ABLIM2: variants seen among roughly 807,000 people sequenced by gnomAD.
The protein encoded by ABLIM2 is actin-binding LIM protein 2.
Under a neutral mutation model 97.7 loss-of-function variants are expected in ABLIM2, and 53 were observed. That is an observed-to-expected ratio of 0.54 (90% CI 0.44 to 0.68). The LOEUF is 0.68. Ranked by LOEUF, ABLIM2 falls within the 30% of genes least tolerant of loss-of-function variation. The pLI, the probability that ABLIM2 is intolerant of heterozygous loss-of-function variation, is 0.00. For synonymous variants in ABLIM2, 361 were observed against 345.8 expected (o/e 1.04, Z -0.49); for missense variants, 835 against 867.2 (o/e 0.96, Z 0.47).
At chr4:8,137,667 A>G (rs1438863141) in intron 1 of ABLIM2, among the ~76,000 whole-genome samples, 3 of 152,230 alleles carry the variant, frequency 2.0e-5, no homozygotes, top group Non-Finnish European at 2.9e-5. Context: ...CTCCCTGAGC[A>G]CAGGGCTCAC....
In ABLIM2 at chr4:8,109,939, C is replaced by T. The variant is rs537828160; in HGVS notation, c.11-3302G>A. Among the ~76,000 whole-genome samples the T allele has an allele frequency of 5.3e-5, 8 of 152,324 alleles. No homozygotes were observed. The South Asian group carries it at 1.5e-3, about 28-fold the overall frequency. Reference sequence around the variant, plus strand: ...GCTTGTCCCACGCGCCTTTTGCCTGCGGAGTCATTGTAGAAACCACCTCAT... The same window carrying T: ...GCTTGTCCCACGCGCCTTTTGCCTGTGGAGTCATTGTAGAAACCACCTCAT... On this transcript the variant is annotated intron_variant, in intron 1 of 20. Transcript: ENST00000447017.
At chr4:8,086,904 C>T (rs564059815) in intron 4 of ABLIM2, among the ~76,000 whole-genome samples, 6 of 151,932 alleles carry the variant, frequency 3.9e-5, no homozygotes, top group Middle Eastern at 3.4e-3. Flanking sequence ...CTAGCAAGCC[C>T]GGAAGCAGCG....
At chr4:8,117,406 A>G (rs1843244488) in intron 1 of ABLIM2, among the ~76,000 whole-genome samples, 1 of 151,638 alleles carries the variant, frequency 6.6e-6, no homozygotes, top group South Asian at 2.1e-4. Context: ...CCCACAGCAG[A>G]TTCTCCTGCT....
chr4:8,027,970 T>G (rs530699603), intron 11 of ABLIM2, 113 bp from the exon 12 acceptor site: 13 of 753,030 alleles, frequency 1.7e-5, no homozygotes, highest in South Asian at 1.5e-4. Flanking sequence ...TCTTGAGGAA[T>G]GCACAACTTT....
chr4:8,109,634 C>A (rs904367817), intron 1 of ABLIM2, among the ~76,000 whole-genome samples: 1 of 152,174 alleles, frequency 6.6e-6, no homozygotes, highest in Non-Finnish European at 1.5e-5. Context: ...AAAGGAGGAA[C>A]CTGGGTCATG....
chr4:8,079,759 TGC>T (rs199758582), intron 5 of ABLIM2, among the ~76,000 whole-genome samples: 1 of 148,494 alleles, frequency 6.7e-6, no homozygotes, highest in African/African-American at 2.6e-5. Flanking sequence ...TATGCGTGCG[TGC>T]GTGTGTGTGT....
In ABLIM2 at chr4:8,005,400, T is replaced by C. The variant is rs370178639; in HGVS notation, c.1618+2659A>G. 1.9e-6 allele frequency: 1 copy of C among 533,570 alleles called. No homozygotes were observed. Among genetic ancestry groups the C allele is most frequent in the Non-Finnish European group, 3.8e-6 (1 of 259,950 alleles). The allele number at this position is 533,570 out of a possible 1,614,324, so 33.1% of individuals were successfully genotyped here. A position where few individuals can be genotyped will look rare whatever the true frequency, so the allele number is the denominator to read the frequency against. ...CTGTGTTGGGTGTCACAATCCTACC[T>C]TCCTTGGGCGCGCTACAGATGGACG... On this transcript the variant is annotated intron_variant, in intron 16 of 20. Transcript: ENST00000447017. The surrounding 1 kb of genome is among the most constrained non-coding windows in gnomAD (Gnocchi z 4.9).
At chr4:8,070,217 CGT>C (rs985062004) in intron 6 of ABLIM2, among the ~76,000 whole-genome samples, 9 of 148,044 alleles carry the variant, frequency 6.1e-5, no homozygotes, top group East Asian at 2.0e-4. Flanking sequence ...TGTGTGACCG[CGT>C]GTGTCTGTGT....
In ABLIM2 at chr4:8,150,998, C is replaced by A. The variant is rs1373851848; in HGVS notation, c.10+7682G>T. 6.6e-6 allele frequency among the ~76,000 whole-genome samples: 1 copy of A among 152,180 alleles called. No individual in the cohort carries two copies. The highest frequency in any genetic ancestry group is 6.5e-5 in the Admixed American group (1 of 15,286). The stretch of plus-strand genomic sequence containing the variant: ...TGCCCGTTCCCTGGTGCCTGCCGTG[C>A]CCAGGCCCTTGACTCTCACTCAGCA... On this transcript the variant is annotated intron_variant, in intron 1 of 20. Coordinates refer to ENST00000447017, the MANE Select transcript of ABLIM2 (RefSeq NM_001130083.2). This position sits in a 1 kb window ranked among gnomAD's most constrained non-coding sequence, Gnocchi z 6.3.
chr4:8,106,565 C>A lies in ABLIM2; in HGVS notation c.83G>T (p.Gly28Val). ...PSTAILCNTCGNVCKGEVLRV... is the reference protein window; with the variant it reads ...PSTAILCNTCVNVCKGEVLRV... The stretch of plus-strand genomic sequence containing the variant: ...CAGCACCTCGCCCTTGCACACATTC[C>A]CACACGTGTTGCACAGGATCGCCGT... Residue 28 changes from glycine (G) to valine (V), a missense_variant, in exon 2 of 21, where the codon GGG becomes GTG. By Grantham distance (109) the Gly-to-Val change is moderately radical. Transcript: ENST00000447017. 1 of 1,610,316 alleles carries A rather than the reference C, an allele frequency of 6.2e-7. No homozygotes were observed. The highest frequency in any genetic ancestry group is 1.1e-5 in the South Asian group (1 of 89,990).
At chr4:7,988,324 G>C (rs1746057105) in intron 17 of ABLIM2, among the ~76,000 whole-genome samples, 1 of 152,182 alleles carries the variant, frequency 6.6e-6, no homozygotes, top group Non-Finnish European at 1.5e-5. Flanking sequence ...CGCCCGGCCT[G>C]TTTAGCACTT....
At chr4:8,027,212 G>A (rs1039176193) in intron 12 of ABLIM2, among the ~76,000 whole-genome samples, 3 of 152,178 alleles carry the variant, frequency 2.0e-5, no homozygotes, top group Non-Finnish European at 4.4e-5. Context: ...GAAAACATGA[G>A]CGTGGCCGTT....
rs1820274774 is a variant in ABLIM2 at position 8,082,107 on chromosome 4, A to G, written c.455-1305T>C. Among the ~76,000 whole-genome samples, 1 of 152,132 alleles carries G rather than the reference A, an allele frequency of 6.6e-6. No homozygotes were observed. Among genetic ancestry groups the G allele is most frequent in the East Asian group, 1.9e-4 (1 of 5,192 alleles). ...AAGGGCCTCGGACCCCGTAATGGACAGGGAGGAAGAGGGTGTCTGACAAAC... is the reference window on the plus strand; with the variant it reads ...AAGGGCCTCGGACCCCGTAATGGACGGGGAGGAAGAGGGTGTCTGACAAAC... On this transcript the variant is annotated intron_variant, in intron 4 of 20. Coordinates refer to ENST00000447017, the MANE Select transcript of ABLIM2 (RefSeq NM_001130083.2). This position sits in a 1 kb window ranked among gnomAD's most constrained non-coding sequence, Gnocchi z 5.6.
chr4:8,133,359 C>G (rs989772128), intron 1 of ABLIM2, among the ~76,000 whole-genome samples: 2 of 152,022 alleles, frequency 1.3e-5, no homozygotes, highest in African/African-American at 4.8e-5. Flanking sequence ...CCCGGGTGCC[C>G]TGGCACAACA....
intron 2 of ABLIM2, among the ~76,000 whole-genome samples, chr4:8,106,114 T>C (rs796260164): frequency 6.6e-6 from 1 of 152,258 alleles, no homozygotes; most frequent in Non-Finnish European, 1.5e-5. Flanking sequence ...CCAGCAAAGG[T>C]CCCGCGTGTC....
At position 8,124,981 on chromosome 4, in the gene ABLIM2, G is replaced by A. The variant is rs1275345605; in HGVS notation, c.11-18344C>T. On this transcript the variant is annotated intron_variant, in intron 1 of 20. Transcript: ENST00000447017. The surrounding 1 kb of genome is among the most constrained non-coding windows in gnomAD (Gnocchi z 6.1). ...CCGTTCCCTGTGGGCGAATGATGCTGGGCATGGTTCATGTGTAGATTCTCC... is the reference window on the plus strand; with the variant it reads ...CCGTTCCCTGTGGGCGAATGATGCTAGGCATGGTTCATGTGTAGATTCTCC... Among the ~76,000 whole-genome samples the A allele has an allele frequency of 6.6e-6, 1 of 152,200 alleles. No individual in the cohort carries two copies. The highest frequency in any genetic ancestry group is 1.5e-5 in the Non-Finnish European group (1 of 68,036).
intron 1 of ABLIM2, among the ~76,000 whole-genome samples, chr4:8,137,755 G>A (rs1329380744): frequency 6.6e-6 from 1 of 152,226 alleles, no homozygotes; most frequent in Non-Finnish European, 1.5e-5. Flanking sequence ...GAAAAGTAGG[G>A]TGGGCCCTCG....
intron 1 of ABLIM2, among the ~76,000 whole-genome samples, chr4:8,119,273 A>T (rs1844180802): frequency 6.7e-6 from 1 of 150,248 alleles, no homozygotes; most frequent in African/African-American, 2.5e-5. Flanking sequence ...AGAAGCCCAA[A>T]GGAGGCTGGA....
At chr4:8,093,758 G>T (rs4696756) in intron 3 of ABLIM2, among the ~76,000 whole-genome samples, 55,801 of 152,030 alleles carry the variant, frequency 0.37, 10,565 homozygotes, top group African/African-American at 0.46. Context: ...AATAATTTTT[G>T]TTCGTCTGGC....
Sources: gnomAD v4.1 joint callset for allele counts (sites outside exome capture counted in the v4.1 genomes callset) on GRCh38, gnomAD v4.1.1 for gene constraint, Gnocchi (gnomAD v3.1) non-coding constraint, MANE v1.5 for transcripts, NCBI Gene and HGNC (gene_info 2026-07-23, HGNC 2026-07-21) for gene names.